The following GAREM1 variants were observed in gnomAD, a reference collection of about 807,000 sequenced individuals.
The protein encoded by GAREM1 is GRB2-associated and regulator of MAPK protein 1.
A neutral mutation model predicts 71.3 loss-of-function variants in GAREM1; 26 were observed. The observed-to-expected ratio is 0.36, with a 90% confidence interval of 0.27 to 0.51. GAREM1 has a LOEUF of 0.51. GAREM1 is among the 20% of genes least tolerant of loss of function. The pLI is 0.95. For synonymous variants in GAREM1, 440 were observed against 433.2 expected (o/e 1.02, Z -0.20); for missense variants, 1,026 against 1,103.1 (o/e 0.93, Z 0.99).
At chr18:32,316,787 T>A (rs1043174179) in intron 2 of GAREM1, among the ~76,000 whole-genome samples, 1 of 152,154 alleles carries the variant, frequency 6.6e-6, no homozygotes, top group Non-Finnish European at 1.5e-5. Flanking sequence ...GTCTTTAAAA[T>A]AGAAATAGCT....
At chr18:32,310,383 G>A (rs2047307029) in intron 2 of GAREM1, 60 bp from the exon 3 acceptor site, 1 of 1,549,934 alleles carries the variant, frequency 6.5e-7, no homozygotes, top group Non-Finnish European at 8.8e-7. Context: ...CTGTTACCAT[G>A]GCAACAACAT....
At chr18:32,425,940 T>C (rs1162538534) in intron 1 of GAREM1, among the ~76,000 whole-genome samples, 1 of 152,210 alleles carries the variant, frequency 6.6e-6, no homozygotes, top group East Asian at 1.9e-4. Context: ...TCCTCATTTA[T>C]GGGCCTTATT....
intron 1 of GAREM1, among the ~76,000 whole-genome samples, chr18:32,429,434 A>G (rs1256678103): frequency 6.6e-6 from 1 of 152,212 alleles, no homozygotes; most frequent in African/African-American, 2.4e-5. Flanking sequence ...TCCACCTCCC[A>G]GAATCACTAT....
intron 2 of GAREM1, among the ~76,000 whole-genome samples, chr18:32,348,613 A>G (rs983259370): frequency 6.6e-6 from 1 of 152,126 alleles, no homozygotes; most frequent in Non-Finnish European, 1.5e-5. Flanking sequence ...AATTCCAGCT[A>G]CTGAGGAGGC....
intron 2 of GAREM1, among the ~76,000 whole-genome samples, chr18:32,372,274 C>A (rs1257061654): frequency 1.3e-5 from 2 of 152,194 alleles, no homozygotes; most frequent in Non-Finnish European, 2.9e-5. Context: ...CCAAGCCACC[C>A]TTTAAGTTAT....
chr18:32,353,462 T>C (rs2047773274), intron 2 of GAREM1, among the ~76,000 whole-genome samples: 1 of 152,186 alleles, frequency 6.6e-6, no homozygotes, highest in Non-Finnish European at 1.5e-5. Context: ...TTAGCCCAAC[T>C]ATAAGGGTTA....
At chr18:32,382,506 C>T (rs754269463) in intron 2 of GAREM1, among the ~76,000 whole-genome samples, 1 of 152,100 alleles carries the variant, frequency 6.6e-6, no homozygotes, top group Non-Finnish European at 1.5e-5. Context: ...TGGCGAGTGC[C>T]TGCTGGGTTG....
intron 2 of GAREM1, among the ~76,000 whole-genome samples, chr18:32,362,204 A>G (rs2144611390): frequency 6.6e-6 from 1 of 152,294 alleles, no homozygotes; most frequent in African/African-American, 2.4e-5. Context: ...CTGTTCACTC[A>G]TCTTTCTCAT....
At position 32,268,202 on chromosome 18, in the gene GAREM1, T is replaced by C. The variant is rs1419703747; in HGVS notation, c.2300A>G (p.Tyr767Cys). The C allele has an allele frequency of 1.2e-6, 2 of 1,613,998 alleles. No individual in the cohort carries two copies. The highest frequency in any genetic ancestry group is 8.5e-7 in the Non-Finnish European group (1 of 1,180,028). ...SGSPDLSEDQ[Y>C]FVKKGMQDIF... is the part of the protein sequence containing the mutation. Reference sequence around the variant, plus strand: ...GTCCTGCATGCCCTTTTTAACAAAATACTGGTCCTCCGAGAGATCTGGTGA... The same window carrying C: ...GTCCTGCATGCCCTTTTTAACAAAACACTGGTCCTCCGAGAGATCTGGTGA... Residue 767 changes from tyrosine (Y) to cysteine (C), a missense_variant, in exon 6 of 6, where the codon TAT (tyrosine) becomes TGT (cysteine). Tyr to Cys is a radical substitution (Grantham distance 194). Transcript: ENST00000269209.
chr18:32,464,481 C>A (rs77293348), intron 1 of GAREM1, among the ~76,000 whole-genome samples: 2,067 of 152,192 alleles, frequency 0.014, 40 homozygotes, highest in African/African-American at 0.047. Context: ...AAACGAGAAC[C>A]CATCTCTTTT....
intron 2 of GAREM1, among the ~76,000 whole-genome samples, chr18:32,386,685 C>T (rs1267030122): frequency 6.6e-6 from 1 of 152,136 alleles, no homozygotes; most frequent in Admixed American, 6.5e-5. Context: ...TTTCATAAAC[C>T]CACTCAGAAT....
intron 2 of GAREM1, among the ~76,000 whole-genome samples, chr18:32,360,125 T>C (rs920251685): frequency 6.6e-6 from 1 of 152,008 alleles, no homozygotes; most frequent in African/African-American, 2.4e-5. Flanking sequence ...AAATTTTGAC[T>C]TTCTGGGAAA....
intron 2 of GAREM1, among the ~76,000 whole-genome samples, chr18:32,378,057 T>TGTGTGTGTGTGC (rs1293817110): frequency 5.6e-4 from 71 of 127,608 alleles, no homozygotes; most frequent in East Asian, 1.9e-3. Context: ...TGTGTGTGTG[T>TGTGTGTGTGTGC]GCGCGCGGGC....
chr18:32,437,004 T>C (rs759820075), intron 1 of GAREM1, among the ~76,000 whole-genome samples: 3 of 152,188 alleles, frequency 2.0e-5, no homozygotes, highest in Non-Finnish European at 2.9e-5. Flanking sequence ...ATCCAGCACC[T>C]GCACAGAGAG....
intron 1 of GAREM1, among the ~76,000 whole-genome samples, chr18:32,409,349 T>C (rs987979393): frequency 6.6e-6 from 1 of 152,230 alleles, no homozygotes; most frequent in African/African-American, 2.4e-5. Flanking sequence ...CAAAGCTATA[T>C]TAAAATCCTA....
At chr18:32,282,856 G>A (rs1188274516) in intron 4 of GAREM1, among the ~76,000 whole-genome samples, 1 of 152,238 alleles carries the variant, frequency 6.6e-6, no homozygotes, top group Admixed American at 6.5e-5. Flanking sequence ...AGGGGGAAAA[G>A]AAGATTGCTC....
rs1222705859 is a variant in GAREM1, at chr18:32,267,185, C to T, written c.*686G>A. ...CGGGTGTATTGTGTATGCACCTATA[C>T]ATGTTTATATATGTATATTCTTTTT... On this transcript the variant is annotated 3_prime_UTR_variant, in exon 6 of 6. Coordinates refer to ENST00000269209, the MANE Select transcript of GAREM1 (RefSeq NM_001242409.2). 6.6e-6 allele frequency: 1 copy of T among 152,130 alleles called. No individual in the cohort carries two copies. Among genetic ancestry groups the T allele is most frequent in the Non-Finnish European group, 1.5e-5 (1 of 68,020 alleles). 9.4% of individuals were successfully genotyped at this position (152,130 alleles called of 1,614,324 possible). A position where few individuals can be genotyped will look rare whatever the true frequency, so the allele number is the denominator to read the frequency against.
At chr18:32,305,097 A>T (rs2047240384) in intron 3 of GAREM1, among the ~76,000 whole-genome samples, 2 of 152,184 alleles carry the variant, frequency 1.3e-5, no homozygotes, top group Admixed American at 1.3e-4. Flanking sequence ...AAACGAAAAC[A>T]ACATTCTTAC....
At chr18:32,341,708 C>T (rs1162346620) in intron 2 of GAREM1, among the ~76,000 whole-genome samples, 2 of 152,150 alleles carry the variant, frequency 1.3e-5, no homozygotes, top group African/African-American at 4.8e-5. Flanking sequence ...GATCGTCACA[C>T]TCTGGTTCCC....
Sources: gnomAD v4.1 joint callset for allele counts (sites outside exome capture counted in the v4.1 genomes callset) on GRCh38, gnomAD v4.1.1 for gene constraint, MANE v1.5 for transcripts, NCBI Gene and HGNC (gene_info 2026-07-23, HGNC 2026-07-21) for gene names.